The following ITGA10 variants were observed in gnomAD, a reference collection of about 807,000 sequenced individuals.
ITGA10 encodes integrin subunit alpha 10.
In ITGA10, 105 loss-of-function variants were observed where a neutral mutation model predicts 145.2. The ratio of observed to expected loss-of-function variants is 0.72; its 90% CI spans 0.62 to 0.85. The LOEUF is 0.85. Ranked by LOEUF, ITGA10 falls within the 40% of genes least tolerant of loss-of-function variation. The pLI is 0.00. For synonymous variants in ITGA10, 506 were observed against 557.8 expected (o/e 0.91, Z 1.31); for missense variants, 1,317 against 1,444.5 (o/e 0.91, Z 1.43).
At chr1:145,900,259 T>G (rs1656084144) in intron 14 of ITGA10, 72 bp from the exon 15 acceptor site, 1 of 1,438,766 alleles carries the variant, frequency 7.0e-7, no homozygotes, top group African/African-American at 1.4e-5. Context: ...GCCTTGCTCT[T>G]TCTTTTTATT....
At chr1:145,894,402 G>A (rs56677739) in intron 27 of ITGA10, among the ~76,000 whole-genome samples, 5,421 of 152,136 alleles carry the variant, frequency 0.036, 346 homozygotes, top group African/African-American at 0.13. Context: ...GAGCCACCGC[G>A]CCCGGCCATG....
At chr1:145,903,978 A>G (rs587624583) in intron 7 of ITGA10, 74 bp downstream of exon 7, 23 of 1,568,362 alleles carry the variant, frequency 1.5e-5, no homozygotes, top group East Asian at 1.1e-4. Context: ...GTGAGCCACC[A>G]TGCCTGGCCC....
At chr1:145,895,432 G>A in intron 26 of ITGA10, 39 bp from the exon 27 acceptor site, 3 of 1,539,466 alleles carry the variant, frequency 1.9e-6, no homozygotes, top group Non-Finnish European at 2.7e-6. Context: ...CAGGACTCTG[G>A]GGTAGAAACA....
At chr1:145,895,863 C>A (rs925007241) in intron 25 of ITGA10, 120 bp downstream of exon 25, 8 of 1,037,050 alleles carry the variant, frequency 7.7e-6, no homozygotes, top group Admixed American at 2.2e-5. Context: ...AGAAAGCCCC[C>A]CAGAGAGAAG....
At position 145,899,336 on chromosome 1, in the gene ITGA10, C is replaced by G. The variant is rs782735073; in HGVS notation, c.1928G>C (p.Arg643Pro). ...TGATGGGGTCAGATGGACAATGGGC[C>G]GGGAGCTGGGAACAGTGTGGAAAAG... is the stretch of plus-strand genomic sequence containing the variant. ...AQGAAILLSSRPIVHLTPSLE... is the reference protein window; with the variant it reads ...AQGAAILLSSPPIVHLTPSLE... The change falls in exon 16 of 30, where the codon CGG (arginine) becomes CCG (proline). Residue 643 changes from arginine to proline, a missense_variant. Transcript: ENST00000369304. The G allele has an allele frequency of 2.5e-6, 4 of 1,613,714 alleles. No individual in the cohort carries two copies. The East Asian group carries it at 6.7e-5, about 27-fold the overall frequency.
chr1:145,896,445 G>T, intron 23 of ITGA10, 93 bp from the exon 24 acceptor site: 2 of 938,502 alleles, frequency 2.1e-6, no homozygotes, highest in Non-Finnish European at 3.5e-6. Flanking sequence ...TTCAGAGGAG[G>T]CAGGGCCAGC....
At chr1:145,907,673 G>T in intron 1 of ITGA10, 1 of 860,836 alleles carries the variant, frequency 1.2e-6, no homozygotes, top group Non-Finnish European at 1.4e-6. Flanking sequence ...CCTAAACTGT[G>T]GCCCTCTGCC....
In ITGA10 at chr1:145,902,310, G is replaced by T. The variant is rs587650439; in HGVS notation, c.1085C>A (p.Ala362Glu). The T allele has an allele frequency of 2.5e-6, 4 of 1,614,098 alleles. No homozygotes were observed. Among genetic ancestry groups the T allele is most frequent in the South Asian group, 2.2e-5 (2 of 91,084 alleles). ...DRIFGLEGSH[A>E]ENESSFGLEM... ...CAGCCCAAAGGAGCTTTCGTTTTCT[G>T]CATGGGACCCTTGGTCATGAGAAAA... The change falls in exon 10 of 30, where the codon GCA becomes GAA. Residue 362 changes from alanine to glutamate, a missense_variant. By Grantham distance (107) the Ala-to-Glu change is moderately radical. Transcript: ENST00000369304.
At chr1:145,899,643 G>T (rs1459635425) in intron 15 of ITGA10, among the ~76,000 whole-genome samples, 8 of 152,048 alleles carry the variant, frequency 5.3e-5, no homozygotes, top group African/African-American at 1.9e-4. Flanking sequence ...CGAGTAGCTG[G>T]GATTACTGGT....
At position 145,893,156 on chromosome 1, in the gene ITGA10, C is replaced by G; in HGVS notation, c.3438+5G>C. The G allele has an allele frequency of 1.3e-6, 2 of 1,598,718 alleles. No homozygotes were observed. Among genetic ancestry groups the G allele is most frequent in the Non-Finnish European group, 8.6e-7 (1 of 1,166,020 alleles). Reference sequence around the variant, plus strand: ...CTCCACACTCCCCACTAAAGCAGTGCTTACCTTCCACAGGCAGAAGACAAG... The same window carrying G: ...CTCCACACTCCCCACTAAAGCAGTGGTTACCTTCCACAGGCAGAAGACAAG... On this transcript the variant is annotated splice_donor_5th_base_variant and intron_variant, in intron 29 of 29. Coordinates refer to ENST00000369304, the MANE Select transcript of ITGA10 (RefSeq NM_003637.5).
Position 145,897,472 on chromosome 1 carries a change from C to T in ITGA10, c.2574+40G>A, listed in dbSNP as rs782400461. On this transcript the variant is annotated intron_variant, in intron 20 of 29. Coordinates refer to ENST00000369304, the MANE Select transcript of ITGA10 (RefSeq NM_003637.5). ...CCAATACCCCAATCTTCTTCCTCCTCCTTTCTTTCCTTCTCCCACACCCCC... is the reference window on the plus strand; with the variant it reads ...CCAATACCCCAATCTTCTTCCTCCTTCTTTCTTTCCTTCTCCCACACCCCC... 36 of 1,610,576 alleles carry T rather than the reference C, an allele frequency of 2.2e-5. No homozygotes were observed. In the South Asian group the frequency reaches 3.2e-4, roughly 14 times the overall value.
rs782551505 is a variant in ITGA10, at chr1:145,909,973, C to A, written c.42G>T (p.Val14=). The A allele has an allele frequency of 1.9e-6, 3 of 1,613,458 alleles. No homozygotes were observed. Among genetic ancestry groups the A allele is most frequent in the Non-Finnish European group, 2.5e-6 (3 of 1,179,574 alleles). The change falls in exon 1 of 30, where the codon GTG becomes GTT. Residue 14 remains valine, a synonymous_variant. Transcript: ENST00000369304. The part of the protein sequence containing the change: ...PFVTHLFLPL[V]FLTGLCSPFN... ...GTTAACTTCCCTCACCTGTCAGGAA[C>A]ACCAGGGGCAAGAACAGGTGAGTGA...
At position 145,907,448 on chromosome 1, in the gene ITGA10, T is replaced by G; in HGVS notation, c.70A>C (p.Asn24His). ...VFLTGLCSPF[N>H]LDEHHPRLFP... Reference sequence around the variant, plus strand: ...AGGCGTGGGTGATGTTCATCCAGGTTAAAGGGGGAGCAGAGACCTGTGGGG... The same window carrying G: ...AGGCGTGGGTGATGTTCATCCAGGTGAAAGGGGGAGCAGAGACCTGTGGGG... The change falls in exon 2 of 30, where the codon AAC becomes CAC. Residue 24 changes from asparagine (N) to histidine (H), a missense_variant. Transcript: ENST00000369304. 1.2e-6 allele frequency: 2 copies of G among 1,614,050 alleles called. No individual in the cohort carries two copies. Among genetic ancestry groups the G allele is most frequent in the Non-Finnish European group, 1.7e-6 (2 of 1,180,012 alleles).
Position 145,897,040 on chromosome 1 carries a change from G to T in ITGA10, c.2715C>A (p.Ser905Arg). 1 of 1,614,102 alleles carries T rather than the reference G, an allele frequency of 6.2e-7. No individual in the cohort carries two copies. Reference sequence around the variant, plus strand: ...TGGCAGTCAGCTTCACGAAGACCTGGCTCAGGAGAGAGGAGCAGCTAAACT... The same window carrying T: ...TGGCAGTCAGCTTCACGAAGACCTGTCTCAGGAGAGAGGAGCAGCTAAACT... Reference protein sequence around the residue: ...EFEFSCSSLLSQVFVKLTASS... With the variant: ...EFEFSCSSLLRQVFVKLTASS... The change falls in exon 22 of 30, where the codon AGC (serine) becomes AGA (arginine). Residue 905 changes from serine (S) to arginine (R), a missense_variant. Coordinates refer to ENST00000369304, the MANE Select transcript of ITGA10 (RefSeq NM_003637.5).
chr1:145,897,421 T>G (rs2101768173), intron 20 of ITGA10, 82 bp from the exon 21 acceptor site: 3 of 1,594,994 alleles, frequency 1.9e-6, no homozygotes, highest in Non-Finnish European at 2.6e-6. Flanking sequence ...CACTGAGCCT[T>G]TCTCTAGAGG....
intron 4 of ITGA10, 86 bp from the exon 5 acceptor site, chr1:145,906,594 C>T: frequency 7.5e-7 from 1 of 1,325,174 alleles, no homozygotes; most frequent in South Asian, 1.2e-5. Context: ...GAAGACTACT[C>T]CCTGACATTA....
chr1:145,909,543 T>C (rs1268023537), intron 1 of ITGA10, among the ~76,000 whole-genome samples: 4 of 131,880 alleles, frequency 3.0e-5, no homozygotes, highest in African/African-American at 1.3e-4. Context: ...TATATAATTA[T>C]GTTATATATT....
intron 27 of ITGA10, among the ~76,000 whole-genome samples, chr1:145,894,824 A>C (rs76625219): frequency 0.028 from 4,198 of 152,316 alleles, 223 homozygotes; most frequent in African/African-American, 0.097. Context: ...AAGCGCCTAC[A>C]ATGAGTTAGG....
rs587745861 is a variant in ITGA10 at position 145,903,743 on chromosome 1, A to G, written c.758+309T>C. Among the ~76,000 whole-genome samples the G allele has an allele frequency of 8.3e-4, 125 of 150,502 alleles. 1 individual carries two copies. In the South Asian group the frequency reaches 0.024, roughly 29 times the overall value. On this transcript the variant is annotated intron_variant, in intron 7 of 29. Coordinates refer to ENST00000369304, the MANE Select transcript of ITGA10 (RefSeq NM_003637.5). ...CTCTCGTTGCCCAGGCTGGAGTGCA[A>G]TGTTGTGATCTCGACTCACTGCAAC...
Sources: allele counts gnomAD v4.1 joint callset (sites outside exome capture counted in the v4.1 genomes callset), GRCh38; gene constraint gnomAD v4.1.1; transcripts MANE v1.5; gene names NCBI Gene and HGNC (gene_info 2026-07-23, HGNC 2026-07-21).